The following CFAP77 variants were observed in gnomAD, a reference collection of about 807,000 sequenced individuals.
CFAP77 encodes cilia and flagella associated protein 77.
A neutral mutation model predicts 31.1 loss-of-function variants in CFAP77; 25 were observed. The ratio of observed to expected loss-of-function variants is 0.80; its 90% CI spans 0.59 to 1.12. CFAP77 has a LOEUF of 1.12. Among genes scored for constraint, CFAP77 ranks in the 50% most tolerant of loss-of-function variants. The pLI is 0.00. For missense variants in CFAP77, 377 were observed against 397.3 expected (o/e 0.95, Z 0.44); for synonymous variants, 151 against 159.9 (o/e 0.94, Z 0.42).
At chr9:132,429,829 C>T (rs577357438) in intron 1 of CFAP77, among the ~76,000 whole-genome samples, 5 of 152,058 alleles carry the variant, frequency 3.3e-5, no homozygotes, top group Admixed American at 1.3e-4. Context: ...CCAGCCTGGG[C>T]GACAGAGTGA....
intron 5 of CFAP77, among the ~76,000 whole-genome samples, chr9:132,556,718 T>C (rs1852911540): frequency 6.6e-6 from 1 of 152,192 alleles, no homozygotes; most frequent in Non-Finnish European, 1.5e-5. Flanking sequence ...TCTTTTACAC[T>C]GACAAGTGGG....
intron 1 of CFAP77, among the ~76,000 whole-genome samples, chr9:132,465,737 C>T (rs930628414): frequency 7.9e-5 from 12 of 152,208 alleles, no homozygotes; most frequent in Non-Finnish European, 1.6e-4. Flanking sequence ...CTAAAAAAGT[C>T]TCTTAGTTCT....
chr9:132,427,025 G>A (rs922433284), intron 1 of CFAP77, among the ~76,000 whole-genome samples: 15 of 152,210 alleles, frequency 9.9e-5, no homozygotes, highest in South Asian at 6.2e-4. Context: ...GTTATTAATC[G>A]AAATATAAAG....
intron 1 of CFAP77, among the ~76,000 whole-genome samples, chr9:132,483,281 AAAC>A (rs980494006): frequency 5.3e-5 from 8 of 152,070 alleles, no homozygotes; most frequent in Non-Finnish European, 8.8e-5. Flanking sequence ...TAAAACAAAA[AAAC>A]AAACAAAACA....
chr9:132,434,176 T>C (rs1278909113), intron 1 of CFAP77, among the ~76,000 whole-genome samples: 2 of 151,474 alleles, frequency 1.3e-5, no homozygotes, highest in Non-Finnish European at 3.0e-5. Flanking sequence ...ATAAAATAAA[T>C]AAGGCCCAGC....
At chr9:132,416,983 G>A (rs1424408346) in intron 1 of CFAP77, among the ~76,000 whole-genome samples, 2 of 152,038 alleles carry the variant, frequency 1.3e-5, no homozygotes, top group African/African-American at 2.4e-5. Context: ...GTTGGTCATT[G>A]GTAATGATTC....
Position 132,498,941 on chromosome 9 carries a change from G to A in CFAP77, c.295+147G>A. The A allele has an allele frequency of 1.6e-6, 1 of 640,352 alleles. No individual in the cohort carries two copies. The highest frequency in any genetic ancestry group is 2.7e-6 in the Non-Finnish European group (1 of 367,806). 39.7% of individuals were successfully genotyped at this position (640,352 alleles called of 1,614,324 possible). ...GACCGCCAGCCTGGGCAGCTGACTGGTAAAACCCAGGAAGTGGCCCAGATG... is the reference window on the plus strand; with the variant it reads ...GACCGCCAGCCTGGGCAGCTGACTGATAAAACCCAGGAAGTGGCCCAGATG... On this transcript the variant is annotated intron_variant, in intron 2 of 5. Coordinates refer to ENST00000393216, the MANE Select transcript of CFAP77 (RefSeq NM_001282957.2). This position sits in a 1 kb window ranked among gnomAD's most constrained non-coding sequence, Gnocchi z 4.2.
In CFAP77 at chr9:132,495,400, T is replaced by C. The variant is rs1851725611; in HGVS notation, c.196-3295T>C. On this transcript the variant is annotated intron_variant, in intron 1 of 5. Coordinates refer to ENST00000393216, the MANE Select transcript of CFAP77 (RefSeq NM_001282957.2). This position sits in a 1 kb window ranked among gnomAD's most constrained non-coding sequence, Gnocchi z 4.2. ...GGAGGCAGAGTCTCTCCCAGAGAAG[T>C]CACATTTTAATTAACTTCCCCGGCA... 6.6e-6 allele frequency among the ~76,000 whole-genome samples: 1 copy of C among 152,100 alleles called. No individual in the cohort carries two copies. Among genetic ancestry groups the C allele is most frequent in the South Asian group, 2.1e-4 (1 of 4,820 alleles).
At chr9:132,547,453 T>A (rs1406295625) in intron 5 of CFAP77, among the ~76,000 whole-genome samples, 13 of 151,962 alleles carry the variant, frequency 8.6e-5, no homozygotes. Flanking sequence ...GCTGTGGAGA[T>A]CATTCATTCA....
intron 5 of CFAP77, among the ~76,000 whole-genome samples, chr9:132,563,282 G>T (rs1479492713): frequency 6.6e-6 from 1 of 152,192 alleles, no homozygotes; most frequent in Non-Finnish European, 1.5e-5. Context: ...CCAAAAAGCT[G>T]CAGTTACAAG....
chr9:132,413,164 T>A (rs1850038676), intron 1 of CFAP77, among the ~76,000 whole-genome samples: 1 of 152,190 alleles, frequency 6.6e-6, no homozygotes, highest in African/African-American at 2.4e-5. Context: ...TTTTTTCATT[T>A]AAAATGTAGA....
intron 3 of CFAP77, among the ~76,000 whole-genome samples, chr9:132,536,698 G>A (rs1852550182): frequency 6.6e-6 from 1 of 152,080 alleles, no homozygotes; most frequent in South Asian, 2.1e-4. Context: ...CCAGCCCATA[G>A]TTCTACTTTT....
chr9:132,526,802 A>G (rs1364684273), intron 3 of CFAP77, among the ~76,000 whole-genome samples: 6 of 73,720 alleles, frequency 8.1e-5, no homozygotes, highest in Non-Finnish European at 1.1e-4. Flanking sequence ...AGACTAAACC[A>G]GGAAGAAGTT....
intron 3 of CFAP77, among the ~76,000 whole-genome samples, chr9:132,509,094 A>C (rs1053879319): frequency 1.3e-5 from 2 of 152,196 alleles, no homozygotes; most frequent in Admixed American, 6.5e-5. Flanking sequence ...GCCAACGCTG[A>C]TGAGCACCTA....
chr9:132,437,338 G>A (rs947041002), intron 1 of CFAP77, among the ~76,000 whole-genome samples: 1 of 152,070 alleles, frequency 6.6e-6, no homozygotes, highest in Non-Finnish European at 1.5e-5. Context: ...AAGACATTAA[G>A]GTGCACTCCA....
chr9:132,486,066 G>GTATATA lies in CFAP77; in HGVS notation c.196-12609_196-12604dup, dbSNP rs1368429138. ...TGTATGTATATGTATGTGTGTGTGT[G>GTATATA]TATATATATATATATATATATATAT... On this transcript the variant is annotated intron_variant, in intron 1 of 5. Transcript: ENST00000393216. Among the ~76,000 whole-genome samples, 3 of 16,340 alleles carry GTATATA rather than the reference G, an allele frequency of 1.8e-4. No individual in the cohort carries two copies. The African/African-American group carries it at 1.9e-3, about 11-fold the overall frequency. 10.7% of individuals were successfully genotyped at this position (16,340 alleles called of 152,430 possible).
chr9:132,503,665 A>G (rs1408267475), intron 3 of CFAP77, among the ~76,000 whole-genome samples: 1 of 152,174 alleles, frequency 6.6e-6, no homozygotes, highest in Non-Finnish European at 1.5e-5. Flanking sequence ...TATCCAACTG[A>G]GGCAGGCAGA....
chr9:132,561,368 C>T (rs546143582), intron 5 of CFAP77, among the ~76,000 whole-genome samples: 1 of 151,364 alleles, frequency 6.6e-6, no homozygotes, highest in African/African-American at 2.4e-5. Context: ...TCTGTTTTCC[C>T]CCCCCAAATC....
At chr9:132,566,684 C>T (rs758474801) in intron 5 of CFAP77, among the ~76,000 whole-genome samples, 1 of 152,206 alleles carries the variant, frequency 6.6e-6, no homozygotes, top group East Asian at 1.9e-4. Context: ...GAGGTGGACA[C>T]TTTTGCTCGA....
Sources: gnomAD v4.1 joint callset for allele counts (sites outside exome capture counted in the v4.1 genomes callset) on GRCh38, gnomAD v4.1.1 for gene constraint, Gnocchi (gnomAD v3.1) non-coding constraint, MANE v1.5 for transcripts, NCBI Gene and HGNC (gene_info 2026-07-23, HGNC 2026-07-21) for gene names.